The following ABTB3 variants were observed in gnomAD, a reference collection of about 807,000 sequenced individuals.
The protein encoded by ABTB3 is ankyrin repeat- and BTB/POZ domain-containing protein 3.
At chr12:107,612,040 G>T in the ABTB3 span, among the ~76,000 whole-genome samples, 10 of 152,226 alleles carry the variant, frequency 6.6e-5, no homozygotes, top group South Asian at 1.7e-3. Flanking sequence ...ATCTTTTATG[G>T]TTTTAATTTT....
At chr12:107,379,323 C>T in the ABTB3 span, among the ~76,000 whole-genome samples, 36 of 152,000 alleles carry the variant, frequency 2.4e-4, no homozygotes, top group African/African-American at 8.7e-4. Flanking sequence ...TCCCATAATC[C>T]CCACGTGTCA....
At chr12:107,441,641 A>T in the ABTB3 span, among the ~76,000 whole-genome samples, 1 of 152,130 alleles carries the variant, frequency 6.6e-6, no homozygotes, top group Non-Finnish European at 1.5e-5. Context: ...CTTAAAAAAA[A>T]AAGTTACCTG....
At chr12:107,454,513 T>C in the ABTB3 span, among the ~76,000 whole-genome samples, 1 of 152,194 alleles carries the variant, frequency 6.6e-6, no homozygotes, top group African/African-American at 2.4e-5. Flanking sequence ...GGGGTCCAGA[T>C]GTTCCAGGAG....
At chr12:107,607,015 C>T in the ABTB3 span, among the ~76,000 whole-genome samples, 3 of 152,132 alleles carry the variant, frequency 2.0e-5, no homozygotes, top group Non-Finnish European at 4.4e-5. Context: ...TTGGATGAAG[C>T]CCACAGCTGC....
chr12:107,571,735 T>C, the ABTB3 span, among the ~76,000 whole-genome samples: 1 of 152,186 alleles, frequency 6.6e-6, no homozygotes, highest in Admixed American at 6.5e-5. Context: ...CCAACCCCAT[T>C]TGAGATCAGG....
the ABTB3 span, chr12:107,614,961 G>A: frequency 2.1e-6 from 2 of 950,490 alleles, no homozygotes; most frequent in South Asian, 1.6e-5. Context: ...ATGTCTTTTT[G>A]TCCATCTCTA....
chr12:107,504,050 T>TC, the ABTB3 span, among the ~76,000 whole-genome samples: 1 of 152,234 alleles, frequency 6.6e-6, no homozygotes, highest in South Asian at 2.1e-4. Context: ...TGTGCTCCCT[T>TC]CCCCAAGGGC....
the ABTB3 span, among the ~76,000 whole-genome samples, chr12:107,584,449 TAC>T: frequency 6.6e-6 from 1 of 152,226 alleles, no homozygotes; most frequent in Non-Finnish European, 1.5e-5. Context: ...AATGTAAAAA[TAC>T]AGTCTCCTTG....
At chr12:107,482,052 C>G in the ABTB3 span, among the ~76,000 whole-genome samples, 1 of 152,052 alleles carries the variant, frequency 6.6e-6, no homozygotes, top group Non-Finnish European at 1.5e-5. Context: ...CAGCCCAAAG[C>G]AGAAAGGAGG....
At chr12:107,520,722 C>G in the ABTB3 span, 2 of 1,524,000 alleles carry the variant, frequency 1.3e-6, no homozygotes, top group Non-Finnish European at 1.8e-6. Context: ...CATGCCAACC[C>G]CTCAGGGCAC....
chr12:107,565,479 G>C, the ABTB3 span, among the ~76,000 whole-genome samples: 1 of 152,048 alleles, frequency 6.6e-6, no homozygotes, highest in Admixed American at 6.5e-5. Context: ...CTCTTTAGGG[G>C]AGAGAAGCAC....
the ABTB3 span, among the ~76,000 whole-genome samples, chr12:107,398,542 T>C: frequency 1.3e-5 from 2 of 152,214 alleles, no homozygotes; most frequent in African/African-American, 4.8e-5. Context: ...TTGAGCAGCA[T>C]TTGTGTGTGT....
At chr12:107,386,494 A>G in the ABTB3 span, among the ~76,000 whole-genome samples, 4 of 152,240 alleles carry the variant, frequency 2.6e-5, no homozygotes, top group South Asian at 8.3e-4. Context: ...AAAGCCCTTT[A>G]TAACTGTAAA....
At chr12:107,469,932 C>CTA in the ABTB3 span, among the ~76,000 whole-genome samples, 1 of 79,160 alleles carries the variant, frequency 1.3e-5, no homozygotes. Context: ...CTCTCTCTCT[C>CTA]TCTTTCTTTC....
At chr12:107,358,960 A>G in the ABTB3 span, among the ~76,000 whole-genome samples, 1 of 152,208 alleles carries the variant, frequency 6.6e-6, no homozygotes, top group Non-Finnish European at 1.5e-5. Context: ...ATCTCTCTGC[A>G]GCATCCAGGC....
At chr12:107,614,926 AGCTCTTCCCGAG>A in the ABTB3 span, 1 of 680,526 alleles carries the variant, frequency 1.5e-6, no homozygotes, top group Non-Finnish European at 2.5e-6. Context: ...CTGTATCACC[AGCTCTTCCCGAG>A]GCATCTTCCA....
At chr12:107,571,636 G>A in the ABTB3 span, among the ~76,000 whole-genome samples, 4 of 152,258 alleles carry the variant, frequency 2.6e-5, no homozygotes, top group South Asian at 4.1e-4. Context: ...CGTGTTTCGC[G>A]GCAGCCTCAC....
the ABTB3 span, chr12:107,581,414 G>A: frequency 2.2e-6 from 2 of 925,846 alleles, no homozygotes; most frequent in Admixed American, 9.2e-5. Flanking sequence ...GCACACCTCG[G>A]CGGCGCTGGG....
At chr12:107,413,323 C>G in the ABTB3 span, among the ~76,000 whole-genome samples, 1 of 152,076 alleles carries the variant, frequency 6.6e-6, no homozygotes, top group Admixed American at 6.5e-5. Context: ...CCACCTTAAT[C>G]CATGACGACT....
Sources: allele counts gnomAD v4.1 joint callset (sites outside exome capture counted in the v4.1 genomes callset), GRCh38; gene constraint gnomAD v4.1.1; transcripts MANE v1.5; gene names NCBI Gene and HGNC (gene_info 2026-07-23, HGNC 2026-07-21).